Variants in SMAD3 observed in about 807,000 individuals in gnomAD.
SMAD3 encodes MAD homolog 3.
In SMAD3, 12 loss-of-function variants were observed where a neutral mutation model predicts 51.8. The observed-to-expected ratio is 0.23, with a 90% CI of 0.15 to 0.38. SMAD3 has a LOEUF of 0.38. Ranked by LOEUF, SMAD3 falls within the 10% of genes least tolerant of loss-of-function variation. The pLI is 1.00. For synonymous variants in SMAD3, 238 were observed against 227.7 expected, an observed-to-expected ratio of 1.05 and a Z score of -0.41; for missense variants, 294 against 565.6, an observed-to-expected ratio of 0.52 and a Z score of 4.87.
intron 1 of SMAD3, chr15:67,138,240 G>A: frequency 1.5e-6 from 1 of 661,990 alleles, no homozygotes; most frequent in South Asian, 1.8e-5. Context: ...CTCTTAGGAT[G>A]TCAGGAAGCA....
intron 1 of SMAD3, among the ~76,000 whole-genome samples, chr15:67,155,506 C>T (rs1179733930): frequency 6.6e-6 from 1 of 152,168 alleles, no homozygotes; most frequent in Non-Finnish European, 1.5e-5. Flanking sequence ...TCAGGGTGAG[C>T]TTATAGTTCA....
chr15:67,170,775 G>A, intron 5 of SMAD3, 171 bp downstream of exon 5: 1 of 608,840 alleles, frequency 1.6e-6, no homozygotes. Flanking sequence ...CCACGGAATG[G>A]GGAAACTTGA....
chr15:67,170,462 G>C, intron 4 of SMAD3, 92 bp from the exon 5 acceptor site: 1 of 1,045,416 alleles, frequency 9.6e-7, no homozygotes, highest in Non-Finnish European at 1.5e-6. Context: ...TGCTGTGTTG[G>C]GCTACCCCTC....
At chr15:67,100,986 C>A (rs1016311739) in intron 1 of SMAD3, among the ~76,000 whole-genome samples, 7 of 152,204 alleles carry the variant, frequency 4.6e-5, no homozygotes, top group African/African-American at 1.7e-4. Context: ...TCTATTCCAC[C>A]TGGCATTTTG....
chr15:67,116,148 C>T (rs553833001), intron 1 of SMAD3, among the ~76,000 whole-genome samples: 4 of 152,204 alleles, frequency 2.6e-5, no homozygotes, highest in Admixed American at 2.6e-4. Context: ...CTTGTGCATC[C>T]TTGGGTGATG....
chr15:67,098,076 A>G (rs2140220764), intron 1 of SMAD3, among the ~76,000 whole-genome samples: 1 of 152,294 alleles, frequency 6.6e-6, no homozygotes, highest in East Asian at 1.9e-4. Context: ...CCTGCCTTAG[A>G]GGATGAGACC....
intron 8 of SMAD3, 62 bp downstream of exon 8, chr15:67,187,571 CA>C: frequency 6.3e-7 from 1 of 1,592,592 alleles, no homozygotes; most frequent in South Asian, 1.1e-5. Context: ...GACAGCAGAG[CA>C]GGCAGGGCTC....
At chr15:67,098,703 A>G in intron 1 of SMAD3, 1 of 582,862 alleles carries the variant, frequency 1.7e-6, no homozygotes, top group South Asian at 2.1e-5. Flanking sequence ...GAGTTGGGAG[A>G]GAACTGTCCA....
intron 7 of SMAD3, chr15:67,186,973 C>A (rs1417334583): frequency 2.3e-6 from 1 of 440,396 alleles, no homozygotes; most frequent in Admixed American, 2.5e-5. Context: ...CATGGGCAAC[C>A]TGGCCCAGGT....
At chr15:67,152,909 C>T (rs935450837) in intron 1 of SMAD3, among the ~76,000 whole-genome samples, 4 of 152,114 alleles carry the variant, frequency 2.6e-5, no homozygotes, top group East Asian at 1.9e-4. Flanking sequence ...AATATTTAAC[C>T]GTCTTCTTTG....
intron 1 of SMAD3, among the ~76,000 whole-genome samples, chr15:67,086,770 C>CCACA (rs1482307505): frequency 6.6e-6 from 1 of 152,088 alleles, no homozygotes; most frequent in African/African-American, 2.4e-5. Flanking sequence ...TATGTCCTGG[C>CCACA]CACACAGTGA....
At chr15:67,189,514 G>A (rs1219786054) in intron 8 of SMAD3, among the ~76,000 whole-genome samples, 4 of 152,226 alleles carry the variant, frequency 2.6e-5, no homozygotes, top group East Asian at 1.9e-4. Flanking sequence ...CCGCGTCACC[G>A]CTGCCTGGCA....
chr15:67,078,741 C>T (rs1233051106), intron 1 of SMAD3, among the ~76,000 whole-genome samples: 2 of 152,192 alleles, frequency 1.3e-5, no homozygotes, highest in Non-Finnish European at 2.9e-5. Flanking sequence ...AGACCAGGGG[C>T]AGCCTATTGC....
At chr15:67,130,252 G>A (rs1468711645) in intron 1 of SMAD3, among the ~76,000 whole-genome samples, 1 of 152,230 alleles carries the variant, frequency 6.6e-6, no homozygotes, top group Admixed American at 6.5e-5. Flanking sequence ...GTCCCAGGTA[G>A]AGTTAGAATT....
intron 1 of SMAD3, among the ~76,000 whole-genome samples, chr15:67,160,743 C>T (rs577802362): frequency 1.6e-5 from 2 of 124,790 alleles, no homozygotes; most frequent in South Asian, 5.2e-4. Context: ...TGCACTCCAG[C>T]CTGGGCGACA....
At position 67,098,356 on chromosome 15, in the gene SMAD3, G is replaced by A. The variant is rs532209948; in HGVS notation, c.206+31996G>A. ...GGAGGGAGGGAGGGAGGGAGAGAGC[G>A]AGCGAGCAAGCAAGCAAGCAAGCCA... On this transcript the variant is annotated intron_variant, in intron 1 of 8. Coordinates refer to ENST00000327367, the MANE Select transcript of SMAD3 (RefSeq NM_005902.4). 6.5e-3 allele frequency among the ~76,000 whole-genome samples: 857 copies of A among 132,486 alleles called. 16 individuals carry two copies. The highest frequency in any genetic ancestry group is 0.021 in the African/African-American group (816 of 38,276). 86.9% of individuals were successfully genotyped at this position (132,486 alleles called of 152,430 possible).
At position 67,165,329 on chromosome 15, in the gene SMAD3, C is replaced by T. The variant is rs1962552595; in HGVS notation, c.477C>T (p.Ser159=). ...EFPPLDDYSH[S]IPENTNFPAG... is the part of the protein sequence containing the mutation. Reference sequence around the variant, plus strand: ...CCCCACTGGACGACTACAGCCATTCCATCCCCGAAAACACTAACTTCCCCG... The same window carrying T: ...CCCCACTGGACGACTACAGCCATTCTATCCCCGAAAACACTAACTTCCCCG... Residue 159 remains serine, a synonymous_variant, in exon 3 of 9, where the codon TCC becomes TCT. Coordinates refer to ENST00000327367, the MANE Select transcript of SMAD3 (RefSeq NM_005902.4). 6.2e-7 allele frequency: 1 copy of T among 1,614,216 alleles called. No individual in the cohort carries two copies. Among genetic ancestry groups the T allele is most frequent in the South Asian group, 1.1e-5 (1 of 91,082 alleles).
chr15:67,097,180 C>T (rs944291601), intron 1 of SMAD3, among the ~76,000 whole-genome samples: 4 of 152,076 alleles, frequency 2.6e-5, no homozygotes, highest in Non-Finnish European at 4.4e-5. Flanking sequence ...TTATCTCCAT[C>T]TCTCTGTCCT....
At chr15:67,162,591 T>C (rs1962458075) in intron 1 of SMAD3, among the ~76,000 whole-genome samples, 1 of 152,180 alleles carries the variant, frequency 6.6e-6, no homozygotes, top group Non-Finnish European at 1.5e-5. Context: ...ATCATGGCCT[T>C]TGGGGCCCTG....
Sources: allele counts gnomAD v4.1 joint callset (sites outside exome capture counted in the v4.1 genomes callset), GRCh38; gene constraint gnomAD v4.1.1; transcripts MANE v1.5; gene names NCBI Gene and HGNC (gene_info 2026-07-23, HGNC 2026-07-21).